The following SGMS1 variants were observed in gnomAD, a reference collection of about 807,000 sequenced individuals.
SGMS1 encodes the protein sphingomyelin synthase 1.
A neutral mutation model predicts 46.2 loss-of-function variants in SGMS1; 13 were observed. The observed-to-expected ratio is 0.28, with a 90% CI of 0.18 to 0.45. The LOEUF is 0.45. SGMS1 is among the 20% of genes least tolerant of loss of function. SGMS1 has a pLI of 1.00. For missense variants in SGMS1, 324 were observed against 519.9 expected (o/e 0.62, Z 3.66); for synonymous variants, 203 against 187.8 (o/e 1.08, Z -0.66).
At chr10:50,619,832 A>T (rs921192257) in intron 1 of SGMS1, among the ~76,000 whole-genome samples, 1 of 152,220 alleles carries the variant, frequency 6.6e-6, no homozygotes, top group Non-Finnish European at 1.5e-5. Flanking sequence ...AGGCCCCCAA[A>T]ATCAAACCTG....
At chr10:50,508,430 C>T (rs145026204) in intron 3 of SGMS1, among the ~76,000 whole-genome samples, 6 of 152,290 alleles carry the variant, frequency 3.9e-5, no homozygotes, top group African/African-American at 1.2e-4. Flanking sequence ...TCACGTTTCT[C>T]ATCAGTTAAC....
chr10:50,520,844 A>T (rs1837851368), intron 2 of SGMS1, among the ~76,000 whole-genome samples: 1 of 151,802 alleles, frequency 6.6e-6, no homozygotes, highest in African/African-American at 2.4e-5. Context: ...TTTTCTGCAT[A>T]CTCTACTTTT....
intron 2 of SGMS1, among the ~76,000 whole-genome samples, chr10:50,570,848 G>A (rs1380602881): frequency 6.6e-6 from 1 of 152,140 alleles, no homozygotes; most frequent in East Asian, 1.9e-4. Flanking sequence ...TGAGGTGGGG[G>A]GATCACTTGA....
intron 1 of SGMS1, among the ~76,000 whole-genome samples, chr10:50,593,893 T>A (rs1236436905): frequency 6.6e-6 from 1 of 152,204 alleles, no homozygotes; most frequent in East Asian, 1.9e-4. Context: ...TTCTGCTACT[T>A]TGAATAATGC....
At chr10:50,545,796 A>G (rs1401216959) in intron 2 of SGMS1, among the ~76,000 whole-genome samples, 1 of 152,160 alleles carries the variant, frequency 6.6e-6, no homozygotes, top group Admixed American at 6.5e-5. Context: ...TGACTCGGCA[A>G]GAGAGGACTG....
chr10:50,403,091 T>C (rs1848963956), intron 6 of SGMS1, among the ~76,000 whole-genome samples: 1 of 152,230 alleles, frequency 6.6e-6, no homozygotes, highest in Admixed American at 6.5e-5. Context: ...TTCGAAGAAG[T>C]TTGTTCTTTG....
At chr10:50,425,570 G>A (rs977773613) in intron 6 of SGMS1, among the ~76,000 whole-genome samples, 5 of 152,030 alleles carry the variant, frequency 3.3e-5, no homozygotes, top group Non-Finnish European at 7.4e-5. Flanking sequence ...ATAAAGATGC[G>A]AACAACAGAC....
At chr10:50,350,784 A>T (rs955879371) in intron 6 of SGMS1, among the ~76,000 whole-genome samples, 1 of 152,194 alleles carries the variant, frequency 6.6e-6, no homozygotes, top group African/African-American at 2.4e-5. Context: ...GATGTATGGA[A>T]ATGCCTGGAT....
intron 3 of SGMS1, among the ~76,000 whole-genome samples, chr10:50,502,667 A>G (rs144325935): frequency 6.6e-6 from 1 of 152,190 alleles, no homozygotes; most frequent in East Asian, 1.9e-4. Context: ...ATTAGGGAAA[A>G]AAGAAGAAGA....
At chr10:50,530,747 A>T (rs1352232788) in intron 2 of SGMS1, among the ~76,000 whole-genome samples, 1 of 152,130 alleles carries the variant, frequency 6.6e-6, no homozygotes, top group Non-Finnish European at 1.5e-5. Context: ...GGCCTCTCGA[A>T]GCACTGGGAT....
chr10:50,314,766 T>TA (rs149492665), intron 8 of SGMS1, among the ~76,000 whole-genome samples: 5,618 of 152,044 alleles, frequency 0.037, 351 homozygotes, highest in African/African-American at 0.13. Context: ...ACAAAAAATG[T>TA]AAAAGTAAGC....
chr10:50,540,996 A>C (rs1838047010), intron 2 of SGMS1, among the ~76,000 whole-genome samples: 1 of 152,162 alleles, frequency 6.6e-6, no homozygotes, highest in African/African-American at 2.4e-5. Flanking sequence ...TGGTTTGGGA[A>C]AGAATACAGG....
intron 6 of SGMS1, among the ~76,000 whole-genome samples, chr10:50,388,471 TAAAA>T (rs56992240): frequency 1.0e-3 from 88 of 85,116 alleles, no homozygotes; most frequent in African/African-American, 3.1e-3. Flanking sequence ...CTGTCTCTAC[TAAAA>T]AAAAAAAAAA....
chr10:50,578,418 T>G (rs1208143778), intron 2 of SGMS1, among the ~76,000 whole-genome samples: 5 of 152,364 alleles, frequency 3.3e-5, no homozygotes, highest in Admixed American at 3.3e-4. Flanking sequence ...CTTGGAAAAT[T>G]CTTTCAGGAA....
intron 5 of SGMS1, among the ~76,000 whole-genome samples, chr10:50,449,639 ACG>A (rs1491217029): frequency 3.1e-5 from 3 of 95,334 alleles, no homozygotes; most frequent in Non-Finnish European, 6.2e-5. Flanking sequence ...TAGTGTGTGC[ACG>A]TGTGTGTGTG....
intron 6 of SGMS1, among the ~76,000 whole-genome samples, chr10:50,416,268 A>G (rs1589431077): frequency 6.6e-6 from 1 of 152,344 alleles, no homozygotes; most frequent in East Asian, 1.9e-4. Context: ...CTAACTTCCA[A>G]CATAAACTAA....
chr10:50,551,742 TA>T (rs1383460097), intron 2 of SGMS1, among the ~76,000 whole-genome samples: 1 of 152,110 alleles, frequency 6.6e-6, no homozygotes, highest in Non-Finnish European at 1.5e-5. Context: ...TACCCAGGCT[TA>T]TAGTAGATTC....
chr10:50,468,846 T>C (rs1170309948), intron 3 of SGMS1, among the ~76,000 whole-genome samples: 2 of 152,206 alleles, frequency 1.3e-5, no homozygotes, highest in Admixed American at 1.3e-4. Context: ...ATCAAAGACA[T>C]GTAGCTAAAA....
At chr10:50,534,189 A>G (rs1180490729) in intron 2 of SGMS1, among the ~76,000 whole-genome samples, 1 of 152,198 alleles carries the variant, frequency 6.6e-6, no homozygotes, top group African/African-American at 2.4e-5. Flanking sequence ...AAAAGTGGGT[A>G]CTTATAGGGA....
Sources: gnomAD v4.1 joint callset for allele counts (sites outside exome capture counted in the v4.1 genomes callset) on GRCh38, gnomAD v4.1.1 for gene constraint, MANE v1.5 for transcripts, NCBI Gene and HGNC (gene_info 2026-07-23, HGNC 2026-07-21) for gene names.